The following RELCH variants were observed in gnomAD, a reference collection of about 807,000 sequenced individuals.
RELCH encodes RAB11 binding and LisH domain, coiled-coil and HEAT repeat containing.
A neutral mutation model predicts 150.3 loss-of-function variants in RELCH; 41 were observed. That is an observed-to-expected ratio of 0.27 (90% CI 0.21 to 0.35). RELCH has a LOEUF of 0.35. Among genes scored for constraint, RELCH ranks in the 10% least tolerant of loss-of-function variants. The pLI, the probability that RELCH is intolerant of heterozygous loss-of-function variation, is 1.00. For synonymous variants in RELCH, 478 were observed against 531.8 expected (o/e 0.90, Z 1.39); for missense variants, 1,092 against 1,467.8 (o/e 0.74, Z 4.18).
At chr18:62,250,807 A>C in intron 11 of RELCH, among the ~76,000 whole-genome samples, 1 of 152,252 alleles carries the variant, frequency 6.6e-6, no homozygotes, top group Non-Finnish European at 1.5e-5. Context: ...TTAAATTGAC[A>C]TATATTGAGA....
rs370274497 is a variant in RELCH at position 62,206,814 on chromosome 18, G to A, written c.527-4339G>A. Among the ~76,000 whole-genome samples, 194 of 26,808 alleles carry A rather than the reference G, an allele frequency of 7.2e-3. 1 individual carries two copies. The highest frequency in any genetic ancestry group is 0.028 in the Middle Eastern group (1 of 36). The allele number at this position is 26,808 out of a possible 152,430, so 17.6% of individuals were successfully genotyped here. A position where few individuals can be genotyped will look rare whatever the true frequency, so the allele number is the denominator to read the frequency against. The stretch of plus-strand genomic sequence containing the variant: ...GCCCCACCCACCACCCCCTCTCCCC[G>A]CCCCGCAGCTTCTGTACATTGTAAC... On this transcript the variant is annotated intron_variant, in intron 1 of 28. Transcript: ENST00000644646.
chr18:62,222,971 A>G (rs939119276), intron 5 of RELCH, among the ~76,000 whole-genome samples: 6 of 152,052 alleles, frequency 3.9e-5, no homozygotes, highest in Admixed American at 3.9e-4. Flanking sequence ...TTTGTGGGAT[A>G]TAACTAAAAT....
intron 1 of RELCH, among the ~76,000 whole-genome samples, chr18:62,193,551 A>G (rs1047644494): frequency 6.6e-6 from 1 of 152,124 alleles, no homozygotes; most frequent in Admixed American, 6.6e-5. Flanking sequence ...ATTACCTAGT[A>G]TATTGAGAGT....
At chr18:62,199,353 G>T (rs1364678980) in intron 1 of RELCH, among the ~76,000 whole-genome samples, 2 of 152,064 alleles carry the variant, frequency 1.3e-5, no homozygotes, top group African/African-American at 4.8e-5. Flanking sequence ...AAATGTTTGT[G>T]TGTAGATGTT....
rs1392325491 is a variant in RELCH at position 62,305,881 on chromosome 18, T to TA, written c.*348dup. ...ATATCTGTATTATACACTAAGCTAT[T>TA]ACAATGGTACTTAAAATAATGTAAA... On this transcript the variant is annotated 3_prime_UTR_variant, in exon 29 of 29. Transcript: ENST00000644646. This position sits in a 1 kb window ranked among gnomAD's most constrained non-coding sequence, Gnocchi z 4.0. 1 of 153,210 alleles carries TA rather than the reference T, an allele frequency of 6.5e-6. No individual in the cohort carries two copies. Among genetic ancestry groups the TA allele is most frequent in the Non-Finnish European group, 1.5e-5 (1 of 68,484 alleles). The allele number at this position is 153,210 out of a possible 1,614,324, so 9.5% of individuals were successfully genotyped here.
chr18:62,291,655 C>T, intron 27 of RELCH, 24 bp downstream of exon 27: 1 of 1,475,790 alleles, frequency 6.8e-7, no homozygotes, highest in Non-Finnish European at 9.4e-7. Context: ...ATTACCAGTG[C>T]CATATTCATG....
chr18:62,215,004 T>C (rs1268024994), intron 2 of RELCH, among the ~76,000 whole-genome samples: 1 of 152,180 alleles, frequency 6.6e-6, no homozygotes, highest in Non-Finnish European at 1.5e-5. Flanking sequence ...TCTACTCATA[T>C]CCTTATCAAA....
At chr18:62,290,678 T>C (rs2045077916) in intron 26 of RELCH, among the ~76,000 whole-genome samples, 1 of 152,090 alleles carries the variant, frequency 6.6e-6, no homozygotes. Flanking sequence ...CTGGAGAAAG[T>C]TTTCCTGATA....
intron 11 of RELCH, among the ~76,000 whole-genome samples, chr18:62,247,934 T>C (rs535839089): frequency 6.6e-6 from 1 of 152,172 alleles, no homozygotes; most frequent in Non-Finnish European, 1.5e-5. Flanking sequence ...GTGGTTTCAA[T>C]AATTTCCAGA....
intron 25 of RELCH, among the ~76,000 whole-genome samples, chr18:62,283,758 G>A (rs757084180): frequency 1.1e-4 from 16 of 152,186 alleles, no homozygotes; most frequent in Non-Finnish European, 2.2e-4. Context: ...GTGATTCTAG[G>A]TAGGAACTCT....
chr18:62,228,955 G>C (rs773668140), intron 8 of RELCH, among the ~76,000 whole-genome samples: 2 of 151,926 alleles, frequency 1.3e-5, no homozygotes, highest in Non-Finnish European at 2.9e-5. Flanking sequence ...TTGATGCTGC[G>C]TAGTTGCCTA....
intron 2 of RELCH, among the ~76,000 whole-genome samples, chr18:62,216,237 C>T (rs914641699): frequency 6.6e-6 from 1 of 152,014 alleles, no homozygotes; most frequent in African/African-American, 2.4e-5. Flanking sequence ...TCTATGTAGA[C>T]ATACAAGATA....
At chr18:62,245,736 A>G (rs1049734627) in intron 11 of RELCH, 20 of 151,982 alleles carry the variant, frequency 1.3e-4, no homozygotes, top group Non-Finnish European at 2.9e-4. Context: ...ATTTCTTGTA[A>G]AAATGTAAAT....
chr18:62,206,404 G>A (rs2039780796), intron 1 of RELCH, among the ~76,000 whole-genome samples: 1 of 152,184 alleles, frequency 6.6e-6, no homozygotes, highest in Admixed American at 6.5e-5. Flanking sequence ...GGGATTTAAA[G>A]GCAAGTGGTA....
intron 18 of RELCH, 152 bp downstream of exon 18, chr18:62,265,004 C>A (rs2043474350): frequency 5.0e-6 from 3 of 599,402 alleles, no homozygotes; most frequent in Non-Finnish European, 8.1e-6. Flanking sequence ...AAAAAAAGTT[C>A]TAGTTGGTAA....
At chr18:62,295,550 C>A (rs1484472865) in intron 27 of RELCH, among the ~76,000 whole-genome samples, 1 of 151,598 alleles carries the variant, frequency 6.6e-6, no homozygotes, top group Non-Finnish European at 1.5e-5. Context: ...AACTTTTCTT[C>A]TTTTCTGATA....
chr18:62,211,047 C>T, intron 1 of RELCH, 106 bp from the exon 2 acceptor site: 1 of 575,980 alleles, frequency 1.7e-6, no homozygotes. Flanking sequence ...ATTCCTGGAT[C>T]TTAGAATTCC....
chr18:62,298,287 C>T (rs1340850706), intron 27 of RELCH, among the ~76,000 whole-genome samples: 2 of 152,110 alleles, frequency 1.3e-5, no homozygotes, highest in East Asian at 1.9e-4. Context: ...CTGCAGGAAT[C>T]GTGTTAACTT....
chr18:62,246,523 C>G (rs2042421440), intron 11 of RELCH: 1 of 152,134 alleles, frequency 6.6e-6, no homozygotes, highest in South Asian at 2.1e-4. Flanking sequence ...GTATAAAAAA[C>G]TAAGATATAA....
Sources: gnomAD v4.1 joint callset for allele counts (sites outside exome capture counted in the v4.1 genomes callset) on GRCh38, gnomAD v4.1.1 for gene constraint, Gnocchi (gnomAD v3.1) non-coding constraint, MANE v1.5 for transcripts, NCBI Gene and HGNC (gene_info 2026-07-23, HGNC 2026-07-21) for gene names.